The following LHFPL3 variants were observed in gnomAD, a reference collection of about 807,000 sequenced individuals.
The protein encoded by LHFPL3 is LHFPL tetraspan subfamily member 3 protein.
LHFPL3 carries 5 observed loss-of-function variants against 19.3 expected under a neutral mutation model. The ratio of observed to expected loss-of-function variants is 0.26; its 90% CI spans 0.14 to 0.54. The LOEUF (loss-of-function observed/expected upper bound fraction) is 0.54. Ranked by LOEUF, LHFPL3 falls within the 20% of genes least tolerant of loss-of-function variation. The pLI is 0.94. For synonymous variants in LHFPL3, 133 were observed against 126.2 expected (o/e 1.05, Z -0.36); for missense variants, 249 against 307.4 (o/e 0.81, Z 1.42).
At chr7:104,471,261 A>G (rs1792901956) in intron 1 of LHFPL3, among the ~76,000 whole-genome samples, 1 of 152,114 alleles carries the variant, frequency 6.6e-6, no homozygotes, top group African/African-American at 2.4e-5. Flanking sequence ...ACCCCATGGA[A>G]TTTTCTTAAT....
rs1792658883 is a variant in LHFPL3, at chr7:104,461,332, G to T, written c.445+132108G>T. Among the ~76,000 whole-genome samples the T allele has an allele frequency of 1.3e-5, 2 of 152,030 alleles. 1 individual carries two copies. The highest frequency in any genetic ancestry group is 3.9e-4 in the East Asian group (2 of 5,188). ...TATTACAATTCAAGATGATATTTTGGGTGGGGACACAGCCAAACCATATCA... is the reference window on the plus strand; with the variant it reads ...TATTACAATTCAAGATGATATTTTGTGTGGGGACACAGCCAAACCATATCA... On this transcript the variant is annotated intron_variant, in intron 1 of 2. Transcript: ENST00000424859.
chr7:104,380,279 A>T (rs2116449807), intron 1 of LHFPL3, among the ~76,000 whole-genome samples: 1 of 152,304 alleles, frequency 6.6e-6, no homozygotes, highest in Admixed American at 6.5e-5. Flanking sequence ...TTCTTTATTT[A>T]AAATAATGTA....
At chr7:104,605,443 A>G (rs1791075699) in intron 1 of LHFPL3, among the ~76,000 whole-genome samples, 1 of 152,234 alleles carries the variant, frequency 6.6e-6, no homozygotes, top group Admixed American at 6.5e-5. Context: ...AAGTCTTTCA[A>G]AATCATACGC....
At chr7:104,473,361 C>G (rs1194656418) in intron 1 of LHFPL3, among the ~76,000 whole-genome samples, 1 of 152,198 alleles carries the variant, frequency 6.6e-6, no homozygotes, top group Non-Finnish European at 1.5e-5. Context: ...ATAGCCTACA[C>G]TTTCTTTTTA....
At chr7:104,860,176 ACC>A (rs34280791) in intron 2 of LHFPL3, among the ~76,000 whole-genome samples, 28,054 of 112,116 alleles carry the variant, frequency 0.25, 2,718 homozygotes, top group Middle Eastern at 0.31. Flanking sequence ...ACATACACCC[ACC>A]CACACACACA....
At chr7:104,565,647 C>T (rs1790104588) in intron 1 of LHFPL3, among the ~76,000 whole-genome samples, 1 of 151,938 alleles carries the variant, frequency 6.6e-6, no homozygotes, top group Non-Finnish European at 1.5e-5. Flanking sequence ...AATGCATGCA[C>T]TTCATCTTAC....
At chr7:104,369,005 A>G (rs1034414915) in intron 1 of LHFPL3, among the ~76,000 whole-genome samples, 2 of 152,220 alleles carry the variant, frequency 1.3e-5, no homozygotes. Context: ...TGAGGGTTAC[A>G]TCATTCAGGG....
At chr7:104,533,329 T>G (rs953234646) in intron 1 of LHFPL3, among the ~76,000 whole-genome samples, 6 of 152,180 alleles carry the variant, frequency 3.9e-5, no homozygotes, top group Admixed American at 6.5e-5. Flanking sequence ...GTTTTTTCCT[T>G]CATCCACATG....
chr7:104,528,147 T>G (rs1794225795), intron 1 of LHFPL3, among the ~76,000 whole-genome samples: 1 of 152,204 alleles, frequency 6.6e-6, no homozygotes. Context: ...AGAAATAAGT[T>G]GCTTTTACAT....
intron 1 of LHFPL3, among the ~76,000 whole-genome samples, chr7:104,453,893 G>A (rs1792492473): frequency 6.6e-6 from 1 of 152,154 alleles, no homozygotes; most frequent in South Asian, 2.1e-4. Flanking sequence ...ATAATTGTAA[G>A]CTTCCTGAAG....
chr7:104,774,853 A>T (rs938640616), intron 2 of LHFPL3, among the ~76,000 whole-genome samples: 1 of 152,186 alleles, frequency 6.6e-6, no homozygotes, highest in African/African-American at 2.4e-5. Context: ...GAGGCAAAAC[A>T]TATGAGTTTT....
chr7:104,731,263 A>G (rs1362724493), intron 1 of LHFPL3, among the ~76,000 whole-genome samples: 1 of 152,060 alleles, frequency 6.6e-6, no homozygotes, highest in Admixed American at 6.6e-5. Context: ...CTGTGAAGAA[A>G]GTCATTGGTA....
At chr7:104,439,985 G>T (rs754302832) in intron 1 of LHFPL3, among the ~76,000 whole-genome samples, 2 of 134,976 alleles carry the variant, frequency 1.5e-5, no homozygotes, top group African/African-American at 2.8e-5. Flanking sequence ...AAATATATTA[G>T]TACTGACAAG....
At chr7:104,675,860 T>C (rs1482367715) in intron 1 of LHFPL3, among the ~76,000 whole-genome samples, 1 of 152,070 alleles carries the variant, frequency 6.6e-6, no homozygotes. Flanking sequence ...CTTTTAGATA[T>C]ATTACATTTG....
intron 1 of LHFPL3, among the ~76,000 whole-genome samples, chr7:104,472,215 T>C (rs1792923986): frequency 6.6e-6 from 1 of 151,620 alleles, no homozygotes; most frequent in South Asian, 2.1e-4. Flanking sequence ...CTAGTAAATA[T>C]ATACTTTTTT....
intron 2 of LHFPL3, among the ~76,000 whole-genome samples, chr7:104,808,700 C>T (rs1385633175): frequency 1.3e-5 from 2 of 152,128 alleles, no homozygotes; most frequent in Non-Finnish European, 2.9e-5. Context: ...GTAGTAATTA[C>T]ACACAACGCA....
chr7:104,526,571 C>T (rs9656097), intron 1 of LHFPL3, among the ~76,000 whole-genome samples: 82,128 of 152,148 alleles, frequency 0.54, 22,304 homozygotes, highest in Middle Eastern at 0.63. Flanking sequence ...ATCTCCATTG[C>T]TGTGACATAC....
In LHFPL3 at chr7:104,328,646, A is replaced by G. The variant is rs1801507891; in HGVS notation, c.-134A>G. 4 of 766,728 alleles carry G rather than the reference A, an allele frequency of 5.2e-6. No homozygotes were observed. The highest frequency in any genetic ancestry group is 3.7e-4 in the Middle Eastern group (1 of 2,684). 47.5% of individuals were successfully genotyped at this position (766,728 alleles called of 1,614,324 possible). On this transcript the variant is annotated 5_prime_UTR_variant, in exon 1 of 3. Coordinates refer to ENST00000424859, the MANE Select transcript of LHFPL3 (RefSeq NM_199000.3). The surrounding 1 kb of genome is among the most constrained non-coding windows in gnomAD (Gnocchi z 4.6). The stretch of plus-strand genomic sequence containing the variant: ...CGGGAGCGAGGATGCAGACTCTGAA[A>G]CTGGTGCTGCTGGGCTGAGGCGGAG...
At chr7:104,398,843 C>T (rs567880685) in intron 1 of LHFPL3, among the ~76,000 whole-genome samples, 10 of 150,746 alleles carry the variant, frequency 6.6e-5, no homozygotes, top group East Asian at 3.9e-4. Flanking sequence ...TTCTGATGCC[C>T]GCCCCCCGGC....
Sources: allele counts gnomAD v4.1 joint callset (sites outside exome capture counted in the v4.1 genomes callset), GRCh38; gene constraint gnomAD v4.1.1; non-coding constraint Gnocchi (gnomAD v3.1); transcripts MANE v1.5; gene names NCBI Gene and HGNC (gene_info 2026-07-23, HGNC 2026-07-21).